MARK4: variants seen among roughly 807,000 people sequenced by gnomAD.
MARK4 encodes microtubule affinity regulating kinase 4, also known as MAP/microtubule affinity-regulating kinase 4.
Under a neutral mutation model 81.5 loss-of-function variants are expected in MARK4, and 19 were observed. The ratio of observed to expected loss-of-function variants is 0.23; its 90% CI spans 0.16 to 0.34. The LOEUF is 0.34. Among genes scored for constraint, MARK4 ranks in the 10% least tolerant of loss-of-function variants. The pLI, the probability that MARK4 is intolerant of heterozygous loss-of-function variation, is 1.00. For missense variants in MARK4, 772 were observed against 1,058.8 expected (o/e 0.73, Z 3.76); for synonymous variants, 436 against 439.0 (o/e 0.99, Z 0.08).
rs1280137147 is a variant in MARK4, at chr19:45,277,929, C to A, written c.793C>A (p.Arg265=). ...PFDGHNLKEL[R]ERVLRGKYRV... ...AGTAACCCCATCCCTGCAGGAGCTG[C>A]GGGAGCGAGTACTCAGAGGGAAGTA... Residue 265 remains arginine, a synonymous_variant, in exon 9 of 17, where the codon CGG becomes AGG. Coordinates refer to ENST00000262891, the MANE Select transcript of MARK4 (RefSeq NM_001199867.2). 2 of 1,612,124 alleles carry A rather than the reference C, an allele frequency of 1.2e-6. No homozygotes were observed. Among genetic ancestry groups the A allele is most frequent in the Non-Finnish European group, 1.7e-6 (2 of 1,179,330 alleles).
Position 45,271,282 on chromosome 19 carries a change from T to A in MARK4, c.550-190T>A, listed in dbSNP as rs968427479. On this transcript the variant is annotated intron_variant, in intron 7 of 16. Transcript: ENST00000262891. The surrounding 1 kb of genome is among the most constrained non-coding windows in gnomAD (Gnocchi z 4.1). ...AAATAGGAACTAAGATTATCCCCAT[T>A]CTATGGATGAGGAAACTGAGGCTCA... 6.6e-6 allele frequency among the ~76,000 whole-genome samples: 1 copy of A among 152,170 alleles called. No individual in the cohort carries two copies. The highest frequency in any genetic ancestry group is 1.5e-5 in the Non-Finnish European group (1 of 68,030).
At chr19:45,278,135 A>T in intron 9 of MARK4, 93 bp downstream of exon 9, 1 of 1,541,620 alleles carries the variant, frequency 6.5e-7, no homozygotes. Flanking sequence ...TTCTTGACAC[A>T]CTTTTCCTCT....
Position 45,271,185 on chromosome 19 carries a change from C to A in MARK4, c.550-287C>A, listed in dbSNP as rs528124915. Among the ~76,000 whole-genome samples, 2 of 152,320 alleles carry A rather than the reference C, an allele frequency of 1.3e-5. No individual in the cohort carries two copies. Among genetic ancestry groups the A allele is most frequent in the Admixed American group, 1.3e-4 (2 of 15,292 alleles). Reference sequence around the variant, plus strand: ...CCTCCCAAAGTGCTGGTATTATAGGCGTGAGCCACTATGTCTGGCCTGTGC... The same window carrying A: ...CCTCCCAAAGTGCTGGTATTATAGGAGTGAGCCACTATGTCTGGCCTGTGC... On this transcript the variant is annotated intron_variant, in intron 7 of 16. Coordinates refer to ENST00000262891, the MANE Select transcript of MARK4 (RefSeq NM_001199867.2). This position sits in a 1 kb window ranked among gnomAD's most constrained non-coding sequence, Gnocchi z 4.1.
intron 6 of MARK4, 86 bp from the exon 7 acceptor site, chr19:45,266,139 C>A: frequency 7.3e-7 from 1 of 1,379,042 alleles, no homozygotes; most frequent in East Asian, 2.3e-5. Flanking sequence ...AGGCCTGGGG[C>A]CCAGCTGTGA....
intron 14 of MARK4, 105 bp from the exon 15 acceptor site, chr19:45,297,571 C>A: frequency 1.5e-6 from 1 of 660,508 alleles, no homozygotes. Context: ...GAGTTCCAGG[C>A]TGGTTGCAGT....
At chr19:45,277,558 C>T (rs1024199334) in intron 8 of MARK4, among the ~76,000 whole-genome samples, 1 of 151,250 alleles carries the variant, frequency 6.6e-6, no homozygotes, top group African/African-American at 2.4e-5. Context: ...CACCACCATG[C>T]TCAGGTCATT....
At chr19:45,251,691 C>T (rs1599773580) in intron 1 of MARK4, 52 bp downstream of exon 1, 2 of 1,460,708 alleles carry the variant, frequency 1.4e-6, no homozygotes, top group East Asian at 2.9e-5. Context: ...AGCCGCCAAA[C>T]CCTTCTCCCC....
Position 45,297,765 on chromosome 19 carries a change from C to G in MARK4, c.1688C>G (p.Ser563Cys). Reference sequence around the variant, plus strand: ...GAGCGGAGCCGCCTGGCACGTGGTTCCACCATCCGCAGCACCTTCCATGGT... The same window carrying G: ...GAGCGGAGCCGCCTGGCACGTGGTTGCACCATCCGCAGCACCTTCCATGGT... ...SGERSRLARG[S>C]TIRSTFHGGQ... Residue 563 changes from serine to cysteine, a missense_variant, in exon 15 of 17, where the codon TCC (serine) becomes TGC (cysteine). Ser to Cys is a moderately radical substitution (Grantham distance 112, BLOSUM62 -1). Around this residue, in one of 3 missense-constraint regions of MARK4, gnomAD observed 548 missense variants for 624.3 expected, o/e 0.88. Transcript: ENST00000262891. 8.9e-6 allele frequency: 14 copies of G among 1,579,890 alleles called. No individual in the cohort carries two copies. Among genetic ancestry groups the G allele is most frequent in the Non-Finnish European group, 1.2e-5 (14 of 1,166,472 alleles).
intron 16 of MARK4, among the ~76,000 whole-genome samples, 184 bp downstream of exon 16, chr19:45,300,039 C>G (rs371655510): frequency 1.3e-4 from 20 of 152,216 alleles, no homozygotes; most frequent in African/African-American, 4.3e-4. Context: ...CAAGCACCTT[C>G]CCTTGATCAT....
intron 16 of MARK4, among the ~76,000 whole-genome samples, chr19:45,300,896 G>C (rs1357543171): frequency 6.6e-6 from 1 of 151,988 alleles, no homozygotes; most frequent in Non-Finnish European, 1.5e-5. Flanking sequence ...TGCTATCATT[G>C]GCAGAGCTGA....
intron 1 of MARK4, among the ~76,000 whole-genome samples, chr19:45,253,718 G>T (rs1461921732): frequency 1.3e-5 from 2 of 152,238 alleles, no homozygotes; most frequent in East Asian, 3.9e-4. Flanking sequence ...ATGTTTGCAG[G>T]AGCCAGCGAC....
chr19:45,289,255 C>T (rs1012076418), intron 13 of MARK4, among the ~76,000 whole-genome samples: 41 of 151,372 alleles, frequency 2.7e-4, no homozygotes, highest in Non-Finnish European at 4.9e-4. Flanking sequence ...GCTGTGGTGG[C>T]GCATGCCTGT....
chr19:45,263,251 G>C, intron 3 of MARK4, 68 bp from the exon 4 acceptor site: 3 of 1,613,474 alleles, frequency 1.9e-6, no homozygotes. Context: ...CGGGGGCCCG[G>C]CTGGGGAAAG....
chr19:45,287,461 G>A lies in MARK4; in HGVS notation c.1291G>A (p.Ala431Thr). Residue 431 changes from alanine (A) to threonine (T), a missense_variant, in exon 13 of 17, where the codon GCA (alanine) becomes ACA (threonine). Transcript: ENST00000262891. ...CCCTCCCCCAGGTGGCCCATCCCCT[G>A]CACCCCTGCACCCCAAACGCAGCCC... is the stretch of plus-strand genomic sequence containing the variant. ...RHSDFCGPSP[A>T]PLHPKRSPTS... 1 of 1,451,102 alleles carries A rather than the reference G, an allele frequency of 6.9e-7. No individual in the cohort carries two copies. Among genetic ancestry groups the A allele is most frequent in the Non-Finnish European group, 9.1e-7 (1 of 1,095,596 alleles). 89.9% of individuals were successfully genotyped at this position (1,451,102 alleles called of 1,614,324 possible).
rs1169062430 is a variant in MARK4, at chr19:45,271,551, C to T, written c.629C>T (p.Ser210Leu). ...FGFSNEFTLG[S>L]KLDTFCGSPP... ...TTCAGCAACGAGTTCACGCTGGGAT[C>T]GAAGCTGGACACGTTCTGCGGGAGC... Residue 210 changes from serine to leucine, a missense_variant, in exon 8 of 17, where the codon TCG becomes TTG. Physicochemically the swap from Ser to Leu is moderately radical, Grantham distance 145 (BLOSUM62 -2). Transcript: ENST00000262891. This position sits in a 1 kb window ranked among gnomAD's most constrained non-coding sequence, Gnocchi z 4.1. 2 of 1,614,238 alleles carry T rather than the reference C, an allele frequency of 1.2e-6. No individual in the cohort carries two copies. Among genetic ancestry groups the T allele is most frequent in the South Asian group, 1.1e-5 (1 of 91,086 alleles).
intron 2 of MARK4, 52 bp from the exon 3 acceptor site, chr19:45,263,061 C>T (rs557954267): frequency 1.9e-6 from 3 of 1,566,308 alleles, no homozygotes; most frequent in Non-Finnish European, 2.6e-6. Flanking sequence ...CCACCATATC[C>T]AGTGGGGCTT....
intron 7 of MARK4, among the ~76,000 whole-genome samples, chr19:45,270,167 G>T (rs1003125073): frequency 1.3e-5 from 2 of 152,120 alleles, no homozygotes; most frequent in Non-Finnish European, 2.9e-5. Context: ...TCTAGGGGCC[G>T]CTGTGAGCAC....
rs1970982530 is a variant in MARK4 at position 45,302,050 on chromosome 19, G to A, written c.1923-324G>A. Among the ~76,000 whole-genome samples, 1 of 152,142 alleles carries A rather than the reference G, an allele frequency of 6.6e-6. No individual in the cohort carries two copies. Among genetic ancestry groups the A allele is most frequent in the African/African-American group, 2.4e-5 (1 of 41,434 alleles). On this transcript the variant is annotated intron_variant, in intron 16 of 16. Coordinates refer to ENST00000262891, the MANE Select transcript of MARK4 (RefSeq NM_001199867.2). The surrounding 1 kb of genome is among the most constrained non-coding windows in gnomAD (Gnocchi z 4.9). ...TGAGGCTGGCCTGTGCCACTGCTAAGTCCAGCTCCTGGGAGATGTGGGACA... is the reference window on the plus strand; with the variant it reads ...TGAGGCTGGCCTGTGCCACTGCTAAATCCAGCTCCTGGGAGATGTGGGACA...
In MARK4 at chr19:45,251,513, G is replaced by C. The variant is rs1030549088; in HGVS notation, c.-76G>C. On this transcript the variant is annotated 5_prime_UTR_variant, in exon 1 of 17. Coordinates refer to ENST00000262891, the MANE Select transcript of MARK4 (RefSeq NM_001199867.2). Reference sequence around the variant, plus strand: ...GCTCGCGTCCCCAGGCCGGCGGGGGGGGAGGGGAAGAGAGGGGACCCTGGG... The same window carrying C: ...GCTCGCGTCCCCAGGCCGGCGGGGGCGGAGGGGAAGAGAGGGGACCCTGGG... 1.2e-6 allele frequency: 1 copy of C among 830,042 alleles called. No homozygotes were observed. Among genetic ancestry groups the C allele is most frequent in the Non-Finnish European group, 1.7e-6 (1 of 574,136 alleles). The allele number at this position is 830,042 out of a possible 1,614,324, so 51.4% of individuals were successfully genotyped here.
Sources: allele counts gnomAD v4.1 joint callset (sites outside exome capture counted in the v4.1 genomes callset), GRCh38; gene constraint gnomAD v4.1.1; regional missense constraint gnomAD v4.1.1; non-coding constraint Gnocchi (gnomAD v3.1); transcripts MANE v1.5; gene names NCBI Gene and HGNC (gene_info 2026-07-23, HGNC 2026-07-21).